Variants in PCDH15 observed in about 807,000 individuals in gnomAD.
PCDH15 encodes the protein protocadherin related 15, also known as protocadherin-15.
Under a neutral mutation model 178.5 loss-of-function variants are expected in PCDH15, and 129 were observed. That is an observed-to-expected ratio of 0.72 (90% CI 0.63 to 0.84). The LOEUF (loss-of-function observed/expected upper bound fraction) is 0.84. Among genes scored for constraint, PCDH15 ranks in the 40% least tolerant of loss-of-function variants. The pLI, the probability that PCDH15 is intolerant of heterozygous loss-of-function variation, is 0.00. For missense variants in PCDH15, 2,230 were observed against 2,099.9 expected (o/e 1.06, Z -1.21); for synonymous variants, 800 against 732.0 (o/e 1.09, Z -1.50).
intron 17 of PCDH15, among the ~76,000 whole-genome samples, chr10:54,077,100 T>TGATGGAA (rs2094354850): frequency 1.3e-5 from 2 of 152,186 alleles, no homozygotes; most frequent in African/African-American, 4.8e-5. Context: ...ATTATATAAA[T>TGATGGAA]GATGGAATTA....
At chr10:54,014,585 T>G (rs550810996) in intron 20 of PCDH15, among the ~76,000 whole-genome samples, 1 of 152,276 alleles carries the variant, frequency 6.6e-6, no homozygotes, top group South Asian at 2.1e-4. Context: ...GTTTTATGCC[T>G]GGGATGCAAG....
At chr10:54,513,860 T>C (rs2081950533) in intron 3 of PCDH15, among the ~76,000 whole-genome samples, 1 of 152,182 alleles carries the variant, frequency 6.6e-6, no homozygotes, top group Non-Finnish European at 1.5e-5. Context: ...AAAGATAGTC[T>C]TTGCCCTCAC....
chr10:53,900,765 G>A (rs985779503), intron 26 of PCDH15, among the ~76,000 whole-genome samples: 1 of 152,154 alleles, frequency 6.6e-6, no homozygotes, highest in Admixed American at 6.6e-5. Context: ...TACAGGGCAA[G>A]CATCCTTCTG....
intron 23 of PCDH15, among the ~76,000 whole-genome samples, chr10:53,957,932 C>T (rs913855618): frequency 7.9e-5 from 12 of 152,004 alleles, no homozygotes; most frequent in Non-Finnish European, 1.5e-5. Flanking sequence ...GTTTACATCT[C>T]GATGATTTAC....
At chr10:54,025,525 G>A (rs1054166414) in intron 18 of PCDH15, among the ~76,000 whole-genome samples, 4 of 145,364 alleles carry the variant, frequency 2.8e-5, no homozygotes, top group Admixed American at 6.9e-5. Flanking sequence ...TTGAGACCAA[G>A]CCTTGCTCTG....
chr10:55,095,762 G>A (rs1397413504), intron 2 of PCDH15, among the ~76,000 whole-genome samples: 2 of 152,054 alleles, frequency 1.3e-5, no homozygotes, highest in African/African-American at 4.8e-5. Context: ...GTAAAAAATT[G>A]TGCTTTATTT....
At chr10:54,405,968 G>T (rs1952615611) in intron 3 of PCDH15, among the ~76,000 whole-genome samples, 1 of 151,798 alleles carries the variant, frequency 6.6e-6, no homozygotes, top group African/African-American at 2.4e-5. Context: ...CTGCTTCTTT[G>T]TATTTTTTCT....
chr10:55,371,308 C>A (rs1363674293), intron 2 of PCDH15, among the ~76,000 whole-genome samples: 1 of 152,052 alleles, frequency 6.6e-6, no homozygotes, highest in African/African-American at 2.4e-5. Flanking sequence ...AATTCTTGAG[C>A]CTTACCCCAA....
chr10:54,060,546 T>C (rs2093992701), intron 18 of PCDH15, among the ~76,000 whole-genome samples: 1 of 152,200 alleles, frequency 6.6e-6, no homozygotes, highest in South Asian at 2.1e-4. Context: ...ATTATGTGTA[T>C]GTATTAATCC....
intron 26 of PCDH15, among the ~76,000 whole-genome samples, chr10:53,871,060 G>A (rs139390854): frequency 0.015 from 2,270 of 151,928 alleles, 79 homozygotes; most frequent in Admixed American, 0.073. Context: ...AAGGCCGGGC[G>A]CGGTGGCTCA....
intron 9 of PCDH15, among the ~76,000 whole-genome samples, chr10:54,216,719 A>T (rs2052109877): frequency 6.6e-6 from 1 of 152,198 alleles, no homozygotes; most frequent in African/African-American, 2.4e-5. Context: ...TGTAAAATTT[A>T]TGAAGGAGAG....
At position 54,478,264 on chromosome 10, in the gene PCDH15, T is replaced by C. The variant is rs182953422; in HGVS notation, c.157+49548A>G. Among the ~76,000 whole-genome samples the C allele has an allele frequency of 1.1e-3, 166 of 152,196 alleles. No individual in the cohort carries two copies. The East Asian group carries it at 0.025, about 23-fold the overall frequency. On this transcript the variant is annotated intron_variant, in intron 3 of 37. Transcript: ENST00000644397. ...ATCGGCAGGCATATGCAGATTTGGA[T>C]ATTTTTTAAAAAATGAAATAAGACA...
intron 14 of PCDH15, among the ~76,000 whole-genome samples, chr10:54,145,834 C>A (rs540560250): frequency 7.9e-5 from 12 of 152,010 alleles, no homozygotes; most frequent in Non-Finnish European, 1.8e-4. Context: ...AAAGTTTAAG[C>A]AGATTAGTGA....
chr10:54,497,311 A>G (rs796158493), intron 3 of PCDH15, among the ~76,000 whole-genome samples: 1 of 152,194 alleles, frequency 6.6e-6, no homozygotes, highest in African/African-American at 2.4e-5. Context: ...AAGGAAAGAA[A>G]CTTCAAAGAT....
intron 2 of PCDH15, among the ~76,000 whole-genome samples, chr10:55,480,025 A>T (rs1840144320): frequency 7.6e-6 from 1 of 131,208 alleles, no homozygotes; most frequent in African/African-American, 2.7e-5. Flanking sequence ...AGTTTCTTCC[A>T]GTCTGTGAAG....
intron 21 of PCDH15, among the ~76,000 whole-genome samples, chr10:53,971,741 G>A (rs1011635166): frequency 1.3e-5 from 2 of 152,042 alleles, no homozygotes; most frequent in African/African-American, 4.8e-5. Flanking sequence ...GGGATGTGAA[G>A]GACCTCTTCA....
At chr10:54,626,400 C>A (rs2093551956) in intron 2 of PCDH15, among the ~76,000 whole-genome samples, 1 of 152,146 alleles carries the variant, frequency 6.6e-6, no homozygotes, top group East Asian at 1.9e-4. Context: ...GGGCAGGGCT[C>A]AAAGTCCCCC....
chr10:55,549,874 G>A (rs1841968802), intron 2 of PCDH15, among the ~76,000 whole-genome samples: 1 of 152,102 alleles, frequency 6.6e-6, no homozygotes, highest in South Asian at 2.1e-4. Flanking sequence ...GAAAAGACTA[G>A]AGGGGAGATA....
rs549121671 is a variant in PCDH15, at chr10:55,442,828, A to T, written c.-156+184797T>A. Reference sequence around the variant, plus strand: ...TAAAAAAGAGGTATACTTCAATGAGATCTCCTTTGGTGCCCACCAAAAGCA... The same window carrying T: ...TAAAAAAGAGGTATACTTCAATGAGTTCTCCTTTGGTGCCCACCAAAAGCA... On this transcript the variant is annotated intron_variant, in intron 2 of 5. Coordinates refer to the PCDH15 transcript ENST00000613346. Among the ~76,000 whole-genome samples, 6 of 152,074 alleles carry T rather than the reference A, an allele frequency of 3.9e-5. No individual in the cohort carries two copies. The South Asian group carries it at 8.3e-4, about 21-fold the overall frequency.
Sources: gnomAD v4.1 joint callset for allele counts (sites outside exome capture counted in the v4.1 genomes callset) on GRCh38, gnomAD v4.1.1 for gene constraint, MANE v1.5 for transcripts, NCBI Gene and HGNC (gene_info 2026-07-23, HGNC 2026-07-21) for gene names.